ARPP21: variants seen among roughly 807,000 people sequenced by gnomAD.
The protein encoded by ARPP21 is cAMP-regulated phosphoprotein 21.
In ARPP21, 69 loss-of-function variants were observed where a neutral mutation model predicts 113.2. The ratio of observed to expected loss-of-function variants is 0.61; its 90% CI spans 0.50 to 0.74. The LOEUF is 0.74. Among genes scored for constraint, ARPP21 ranks in the 30% least tolerant of loss-of-function variants. ARPP21 has a pLI of 0.00. For missense variants in ARPP21, 1,070 were observed against 1,037.4 expected (o/e 1.03, Z -0.43); for synonymous variants, 368 against 375.5 (o/e 0.98, Z 0.23).
chr3:35,647,662 C>T (rs1451616025), intron 1 of ARPP21, among the ~76,000 whole-genome samples: 1 of 152,098 alleles, frequency 6.6e-6, no homozygotes, highest in African/African-American at 2.4e-5. Flanking sequence ...TGCAATTCAC[C>T]ACATGAATTG....
Position 35,775,363 on chromosome 3 carries a change from C to A in ARPP21, c.2138-17019C>A, listed in dbSNP as rs2096328933. Among the ~76,000 whole-genome samples the A allele has an allele frequency of 2.0e-5, 3 of 152,274 alleles. No individual in the cohort carries two copies. The South Asian group carries it at 6.2e-4, about 32-fold the overall frequency. ...TCTAAGTTCATTTCAACAAAACTTT[C>A]ACTGTGTTTATAAAAATGTATATGC... On this transcript the variant is annotated intron_variant, in intron 19 of 20. Transcript: ENST00000684406.
chr3:35,677,534 T>A (rs2077837602), intron 1 of ARPP21, among the ~76,000 whole-genome samples: 1 of 151,924 alleles, frequency 6.6e-6, no homozygotes, highest in African/African-American at 2.4e-5. Flanking sequence ...GTTGATTAAT[T>A]TCCTGTAGCT....
intron 1 of ARPP21, among the ~76,000 whole-genome samples, chr3:35,675,687 G>T (rs2077297087): frequency 6.6e-6 from 1 of 151,880 alleles, no homozygotes; most frequent in East Asian, 1.9e-4. Context: ...TCTGGTGGAG[G>T]TGCAGGTGTT....
chr3:35,775,254 A>T (rs921216420), intron 19 of ARPP21, among the ~76,000 whole-genome samples: 1 of 152,196 alleles, frequency 6.6e-6, no homozygotes, highest in Non-Finnish European at 1.5e-5. Context: ...TGATTAACTT[A>T]CATGCATAGT....
chr3:35,759,098 C>T (rs2095669927), intron 19 of ARPP21, among the ~76,000 whole-genome samples: 1 of 152,012 alleles, frequency 6.6e-6, no homozygotes, highest in Admixed American at 6.6e-5. Flanking sequence ...ATTAAGTGTG[C>T]TTCTGAATAA....
chr3:35,671,425 C>G (rs1024187738), intron 1 of ARPP21, among the ~76,000 whole-genome samples: 1 of 152,134 alleles, frequency 6.6e-6, no homozygotes, highest in Non-Finnish European at 1.5e-5. Flanking sequence ...TGAACACTTA[C>G]ATTTTTTTCT....
chr3:35,653,685 G>T (rs1703489002), intron 1 of ARPP21, among the ~76,000 whole-genome samples: 2 of 151,992 alleles, frequency 1.3e-5, no homozygotes, highest in South Asian at 4.2e-4. Flanking sequence ...ATTAACCATT[G>T]TGAGTTTAAT....
At chr3:35,651,354 C>T (rs532607784) in intron 1 of ARPP21, among the ~76,000 whole-genome samples, 2 of 152,100 alleles carry the variant, frequency 1.3e-5, no homozygotes, top group South Asian at 2.1e-4. Context: ...TACCTGTAAG[C>T]GACAGGATTA....
intron 1 of ARPP21, among the ~76,000 whole-genome samples, chr3:35,675,398 G>A (rs1165832313): frequency 6.6e-6 from 1 of 151,750 alleles, no homozygotes; most frequent in African/African-American, 2.4e-5. Context: ...AGAGCCTTTG[G>A]CTTCTTTCTC....
chr3:35,677,482 T>A (rs1218890230), intron 1 of ARPP21, among the ~76,000 whole-genome samples: 1 of 151,974 alleles, frequency 6.6e-6, no homozygotes, highest in African/African-American at 2.4e-5. Flanking sequence ...GATATAGCAA[T>A]TATTTTACTT....
intron 19 of ARPP21, among the ~76,000 whole-genome samples, chr3:35,791,091 A>G (rs527824260): frequency 2.0e-5 from 3 of 152,324 alleles, no homozygotes; most frequent in Non-Finnish European, 2.9e-5. Context: ...AAATTTTCAT[A>G]ATATTTCTGA....
chr3:35,787,421 G>A (rs2096655713), intron 19 of ARPP21, among the ~76,000 whole-genome samples: 3 of 152,176 alleles, frequency 2.0e-5, no homozygotes, highest in South Asian at 2.1e-4. Flanking sequence ...TGTGAGGAAA[G>A]CCATTATTTG....
intron 9 of ARPP21, among the ~76,000 whole-genome samples, chr3:35,700,192 C>T (rs1216240575): frequency 6.6e-5 from 10 of 151,684 alleles, no homozygotes; most frequent in African/African-American, 2.4e-4. Flanking sequence ...TACAAGAAAC[C>T]AAACAACAGC....
chr3:35,654,471 A>G (rs2149040033), intron 1 of ARPP21, among the ~76,000 whole-genome samples: 1 of 152,226 alleles, frequency 6.6e-6, no homozygotes, highest in East Asian at 1.9e-4. Flanking sequence ...GAATTTACCG[A>G]TATTGAGCAT....
chr3:35,639,181 T>C (rs549745080), upstream of ARPP21: 1 of 152,366 alleles, frequency 6.6e-6, no homozygotes, highest in African/African-American at 2.4e-5. The surrounding 1 kb of genome is among the most constrained non-coding windows in gnomAD (Gnocchi z 5.0). Context: ...TCATGCGCTT[T>C]GTCTCCAGCC....
intron 1 of ARPP21, chr3:35,643,693 A>G (rs927291738): frequency 4.6e-5 from 7 of 152,062 alleles, no homozygotes; most frequent in Middle Eastern, 3.2e-3. Flanking sequence ...TTTGAAGTCC[A>G]TAAGGTTGGA....
chr3:35,665,817 T>C (rs1378099997), intron 1 of ARPP21, among the ~76,000 whole-genome samples: 1 of 152,194 alleles, frequency 6.6e-6, no homozygotes, highest in Admixed American at 6.5e-5. Context: ...CCAGTCATCG[T>C]TGTAATGCTT....
Position 35,792,396 on chromosome 3 carries a change from T to G in ARPP21, c.2152T>G (p.Leu718Val). The change falls in exon 20 of 21, where the codon TTG becomes GTG. Residue 718 changes from leucine to valine, a missense_variant. Leu to Val is a conservative substitution (Grantham distance 32, BLOSUM62 1). Transcript: ENST00000684406. ...TTTCTTCGCAGGTTACCAGCCAGTC[T>G]TGTCTGGTCAACAGGGATTCCAAGG... ...AAQQAGYQPV[L>V]SGQQGFQGLI... is the part of the protein sequence containing the mutation. 6.2e-7 allele frequency: 1 copy of G among 1,613,926 alleles called. No homozygotes were observed. The highest frequency in any genetic ancestry group is 8.5e-7 in the Non-Finnish European group (1 of 1,179,798).
rs140978142 is a variant in ARPP21, at chr3:35,745,540, A to C, written c.2137+1575A>C. Among the ~76,000 whole-genome samples the C allele has an allele frequency of 2.3e-4, 35 of 152,336 alleles. 1 individual carries two copies. In the East Asian group the frequency reaches 4.8e-3, roughly 21 times the overall value. On this transcript the variant is annotated intron_variant, in intron 19 of 20. Transcript: ENST00000684406. ...GTCTTGTGGTAGAGTGTCATCATACAAAGAAACGCAGTTACAAAACATGCT... is the reference window on the plus strand; with the variant it reads ...GTCTTGTGGTAGAGTGTCATCATACCAAGAAACGCAGTTACAAAACATGCT...
Sources: gnomAD v4.1 joint callset for allele counts (sites outside exome capture counted in the v4.1 genomes callset) on GRCh38, gnomAD v4.1.1 for gene constraint, Gnocchi (gnomAD v3.1) non-coding constraint, MANE v1.5 for transcripts, NCBI Gene and HGNC (gene_info 2026-07-23, HGNC 2026-07-21) for gene names.